The following KRT26 variants were observed in gnomAD, a reference collection of about 807,000 sequenced individuals.
KRT26 encodes keratin 26.
A neutral mutation model predicts 46.1 loss-of-function variants in KRT26; 45 were observed. That is an observed-to-expected ratio of 0.98 (90% confidence interval 0.77 to 1.25). The LOEUF (loss-of-function observed/expected upper bound fraction) is 1.25. Ranked by LOEUF, KRT26 falls within the 50% of genes most tolerant of loss-of-function variation. The pLI is 0.00. For missense variants in KRT26, 582 were observed against 560.1 expected, an observed-to-expected ratio of 1.04 and a Z score of -0.39; for synonymous variants, 191 against 209.9, an observed-to-expected ratio of 0.91 and a Z score of 0.78.
chr17:40,766,736 C>T (rs1312707331), intron 7 of KRT26, 70 bp from the exon 8 acceptor site: 1 of 1,161,804 alleles, frequency 8.6e-7, no homozygotes, highest in African/African-American at 1.5e-5. Context: ...AATAGGTATG[C>T]TTTTTGTTTG....
exon 6 of KRT26, chr17:40,769,091 A>G (rs898577075): frequency 6.2e-7 from 1 of 1,610,900 alleles, no homozygotes; most frequent in African/African-American, 1.3e-5. Context: ...ATTCATAGGA[A>G]TGTTTCTGAA....
exon 1 of KRT26, chr17:40,771,805 A>G (rs201746234): frequency 1.2e-6 from 2 of 1,614,104 alleles, no homozygotes; most frequent in Non-Finnish European, 1.7e-6. Flanking sequence ...CCTCCTCTAG[A>G]GCATGCACAT....
At chr17:40,768,847 G>GTT (rs5820360) in intron 6 of KRT26, 32 bp downstream of exon 6, 1,941 of 981,792 alleles carry the variant, frequency 2.0e-3, no homozygotes, top group South Asian at 3.6e-3. Context: ...TTAATGTGAG[G>GTT]TTTTTTTTTT....
At chr17:40,769,725 T>C in intron 5 of KRT26, 29 bp downstream of exon 5, 1 of 1,612,226 alleles carries the variant, frequency 6.2e-7, no homozygotes, top group Non-Finnish European at 8.5e-7. Context: ...TTCACACATA[T>C]ATTCAATTCA....
At chr17:40,769,187 C>G in intron 5 of KRT26, 91 bp from the exon 6 acceptor site, 1 of 807,642 alleles carries the variant, frequency 1.2e-6, no homozygotes, top group South Asian at 1.9e-5. Context: ...GAGACTGTGT[C>G]TTGCTCTGTC....
exon 8 of KRT26, chr17:40,766,451 CCTTT>C (rs1011489228): frequency 6.2e-5 from 82 of 1,323,740 alleles, no homozygotes; most frequent in Admixed American, 2.6e-4. Flanking sequence ...GCAAAGGCAG[CCTTT>C]CTTTCTTTCT....
intron 2 of KRT26, 148 bp from the exon 3 acceptor site, chr17:40,770,557 A>G (rs2038215061): frequency 3.5e-6 from 2 of 570,466 alleles, no homozygotes; most frequent in Non-Finnish European, 6.0e-6. Context: ...ATGGTTTGAG[A>G]TACCTAACAA....
exon 1 of KRT26, chr17:40,772,152 G>A (rs372295119): frequency 1.2e-4 from 193 of 1,574,924 alleles, no homozygotes; most frequent in Non-Finnish European, 1.6e-4. Flanking sequence ...CCAGAAAGAG[G>A]AGCAAAGCCA....
intron 6 of KRT26, among the ~76,000 whole-genome samples, chr17:40,768,440 T>C (rs1016530895): frequency 1.4e-4 from 22 of 152,332 alleles, no homozygotes; most frequent in African/African-American, 5.1e-4. Context: ...TCCAGGGCTG[T>C]TGCTATTGAC....
exon 8 of KRT26, chr17:40,766,469 T>A (rs975222219): frequency 2.2e-6 from 3 of 1,334,288 alleles, no homozygotes; most frequent in Middle Eastern, 2.3e-4. Flanking sequence ...TCTTTCTTTC[T>A]CTCTCTCTCT....
exon 1 of KRT26, chr17:40,772,132 C>T (rs1408023112): frequency 6.2e-7 from 1 of 1,607,526 alleles, no homozygotes; most frequent in South Asian, 1.1e-5. Flanking sequence ...CACAGCCGGG[C>T]AACCCCTTCC....
At chr17:40,768,243 A>T (rs151281316) in intron 6 of KRT26, among the ~76,000 whole-genome samples, 1 of 152,338 alleles carries the variant, frequency 6.6e-6, no homozygotes, top group East Asian at 1.9e-4. Context: ...GTGATTACCA[A>T]ATACCTTTTC....
intron 6 of KRT26, among the ~76,000 whole-genome samples, chr17:40,768,427 A>C (rs530033364): frequency 3.3e-5 from 5 of 152,212 alleles, no homozygotes; most frequent in Non-Finnish European, 7.3e-5. Flanking sequence ...CCAGGGCTGC[A>C]ATTCCAGGGC....
At chr17:40,766,665 G>A (rs1439597593) in exon 8 of KRT26, 2 of 1,604,224 alleles carry the variant, frequency 1.2e-6, no homozygotes, top group Admixed American at 1.7e-5. Context: ...CTTCTGTTGA[G>A]TCTAAAATAA....
intron 7 of KRT26, 80 bp from the exon 8 acceptor site, chr17:40,766,746 GT>G: frequency 9.2e-7 from 1 of 1,086,704 alleles, no homozygotes; most frequent in South Asian, 1.5e-5. Flanking sequence ...CTTTTTGTTT[GT>G]TTGTTTTTTT....
At chr17:40,769,633 A>G (rs2038201951) in intron 5 of KRT26, 121 bp downstream of exon 5, 1 of 1,036,436 alleles carries the variant, frequency 9.6e-7, no homozygotes, top group African/African-American at 1.6e-5. Flanking sequence ...TATTTAATAT[A>G]TTTTATACTT....
chr17:40,769,906 G>A, intron 4 of KRT26, 27 bp from the exon 5 acceptor site: 1 of 1,614,212 alleles, frequency 6.2e-7, no homozygotes, highest in Non-Finnish European at 8.5e-7. Context: ...GAAAGGGTTA[G>A]TGACTGGCCT....
intron 7 of KRT26, 94 bp from the exon 8 acceptor site, chr17:40,766,760 G>T: frequency 1.1e-6 from 1 of 885,886 alleles, no homozygotes; most frequent in Non-Finnish European, 1.7e-6. Context: ...GTTTTTTTGA[G>T]AAGGAGTCTC....
At chr17:40,767,460 C>G (rs2038180949) in intron 7 of KRT26, 126 bp downstream of exon 7, 1 of 519,958 alleles carries the variant, frequency 1.9e-6, no homozygotes, top group Non-Finnish European at 3.4e-6. Context: ...ATAATGACCC[C>G]TCATCCCTTT....
Sources: allele counts gnomAD v4.1 joint callset (sites outside exome capture counted in the v4.1 genomes callset), GRCh38; gene constraint gnomAD v4.1.1; transcripts MANE v1.5; gene names NCBI Gene and HGNC (gene_info 2026-07-23, HGNC 2026-07-21).